The following INTS8 variants were observed in gnomAD, a reference collection of about 807,000 sequenced individuals.
INTS8 encodes the protein integrator complex subunit 8, also known as protein kaonashi-1.
In INTS8, 47 loss-of-function variants were observed where a neutral mutation model predicts 138.9. The ratio of observed to expected loss-of-function variants is 0.34; its 90% CI spans 0.27 to 0.43. The LOEUF is 0.43. Among genes scored for constraint, INTS8 ranks in the 20% least tolerant of loss-of-function variants. The probability of loss-of-function intolerance (pLI) is 1.00; values close to 1 mark genes in which losing one functional copy is unlikely to be tolerated. For synonymous variants in INTS8, 392 were observed against 400.9 expected (o/e 0.98, Z 0.27); for missense variants, 996 against 1,173.0 (o/e 0.85, Z 2.20).
intron 4 of INTS8, 60 bp downstream of exon 4, chr8:94,827,853 T>C: frequency 1.5e-6 from 2 of 1,341,622 alleles, no homozygotes; most frequent in Non-Finnish European, 2.1e-6. Context: ...TAAAAATGTT[T>C]GCAAGTTTTT....
Position 94,873,470 on chromosome 8 carries a change from C to G in INTS8, c.2630C>G (p.Thr877Arg). 1 of 1,606,224 alleles carries G rather than the reference C, an allele frequency of 6.2e-7. No individual in the cohort carries two copies. Residue 877 changes from threonine to arginine, a missense_variant, in exon 22 of 27, where the codon ACA (threonine) becomes AGA (arginine). Transcript: ENST00000523731. ...FNKAVPPDVY[T>R]DQVIKRMIKC... is the part of the protein sequence containing the mutation. ...AAGGCTGTGCCCCCTGATGTTTATA[C>G]AGACCAGGTGAATTGTTTTCGTGGG...
rs971352253 is a variant in INTS8 at position 94,829,132 on chromosome 8, A to G, written c.570+106A>G. ...ACTGGTTTTGTGGAAGGCAATTTCC[A>G]GGAAACTGGATGTGGTGTGGGGGGC... On this transcript the variant is annotated intron_variant, in intron 5 of 26. Transcript: ENST00000523731. 7.8e-5 allele frequency: 61 copies of G among 781,708 alleles called. 1 individual carries two copies. The highest frequency in any genetic ancestry group is 6.5e-5 in the Non-Finnish European group (30 of 463,248). 48.4% of individuals were successfully genotyped at this position (781,708 alleles called of 1,614,324 possible).
At chr8:94,842,745 G>C (rs1815181411) in intron 10 of INTS8, among the ~76,000 whole-genome samples, 1 of 152,006 alleles carries the variant, frequency 6.6e-6, no homozygotes, top group African/African-American at 2.4e-5. Context: ...TCTTCCTTTA[G>C]TATTTCTGTT....
chr8:94,847,230 C>T (rs62523071), intron 10 of INTS8, among the ~76,000 whole-genome samples: 2,128 of 152,038 alleles, frequency 0.014, 23 homozygotes, highest in Non-Finnish European at 0.022. Flanking sequence ...TTATTAGAGA[C>T]GGGGTTTTAC....
In INTS8 at chr8:94,823,539, A is replaced by G; in HGVS notation, c.108A>G (p.Lys36=). 1 of 1,579,282 alleles carries G rather than the reference A, an allele frequency of 6.3e-7. No individual in the cohort carries two copies. Among genetic ancestry groups the G allele is most frequent in the Non-Finnish European group, 8.6e-7 (1 of 1,163,412 alleles). Residue 36 remains lysine (K), a synonymous_variant, in exon 1 of 27, where the codon AAA becomes AAG. Coordinates refer to ENST00000523731, the MANE Select transcript of INTS8 (RefSeq NM_017864.4). ...TGCTGGAGGAGTCACTGTTGGAGAAACATCTGCGCAAGCCCTGCCCGGGTG... is the reference window on the plus strand; with the variant it reads ...TGCTGGAGGAGTCACTGTTGGAGAAGCATCTGCGCAAGCCCTGCCCGGGTG... ...EFLLEESLLE[K]HLRKPCPDPA...
intron 7 of INTS8, among the ~76,000 whole-genome samples, chr8:94,838,129 C>T (rs1378757730): frequency 6.6e-6 from 1 of 151,374 alleles, no homozygotes; most frequent in East Asian, 1.9e-4. Flanking sequence ...TCACTGCAAC[C>T]TCCACCTCTC....
chr8:94,826,385 C>T (rs1374975099), intron 2 of INTS8, among the ~76,000 whole-genome samples: 1 of 152,114 alleles, frequency 6.6e-6, no homozygotes, highest in Non-Finnish European at 1.5e-5. Context: ...GGGTTGACGC[C>T]ATTCTCCTGC....
In INTS8 at chr8:94,881,052, A is replaced by C; in HGVS notation, c.*818A>C. The C allele has an allele frequency of 2.5e-6, 1 of 398,396 alleles. No individual in the cohort carries two copies. The highest frequency in any genetic ancestry group is 3.6e-5 in the East Asian group (1 of 27,988). The allele number at this position is 398,396 out of a possible 1,614,324, so 24.7% of individuals were successfully genotyped here. A position where few individuals can be genotyped will look rare whatever the true frequency, so the allele number is the denominator to read the frequency against. On this transcript the variant is annotated 3_prime_UTR_variant, in exon 27 of 27. Transcript: ENST00000523731. ...GCAAGGCAAATAAACTAGTTTAAAAAACATTAAATTTCACCATTTGTAGAA... is the reference window on the plus strand; with the variant it reads ...GCAAGGCAAATAAACTAGTTTAAAACACATTAAATTTCACCATTTGTAGAA...
At chr8:94,860,607 C>CA (rs1243242792) in intron 16 of INTS8, among the ~76,000 whole-genome samples, 2 of 146,482 alleles carry the variant, frequency 1.4e-5, no homozygotes, top group Admixed American at 6.8e-5. Flanking sequence ...AAAAAAAACC[C>CA]AAAAAACAAA....
In INTS8 at chr8:94,823,548, C is replaced by T. The variant is rs773053706; in HGVS notation, c.117C>T (p.Arg39=). ...LEESLLEKHL[R]KPCPDPAPVQ... Reference sequence around the variant, plus strand: ...AGTCACTGTTGGAGAAACATCTGCGCAAGCCCTGCCCGGGTGAGCGCGGCG... The same window carrying T: ...AGTCACTGTTGGAGAAACATCTGCGTAAGCCCTGCCCGGGTGAGCGCGGCG... The change falls in exon 1 of 27, where the codon CGC becomes CGT. Residue 39 remains arginine, a synonymous_variant. Transcript: ENST00000523731. The T allele has an allele frequency of 2.2e-5, 34 of 1,577,422 alleles. No individual in the cohort carries two copies. The highest frequency in any genetic ancestry group is 2.8e-5 in the Non-Finnish European group (32 of 1,162,624).
chr8:94,837,414 T>G (rs1323284393), intron 7 of INTS8, among the ~76,000 whole-genome samples: 1 of 152,194 alleles, frequency 6.6e-6, no homozygotes, highest in Non-Finnish European at 1.5e-5. Flanking sequence ...GAGATATTGA[T>G]TAAATGCCCT....
At chr8:94,835,475 C>G (rs934382259) in intron 6 of INTS8, among the ~76,000 whole-genome samples, 1 of 152,182 alleles carries the variant, frequency 6.6e-6, no homozygotes, top group Admixed American at 6.5e-5. Flanking sequence ...GCATACATTT[C>G]TCACTTTAAC....
intron 16 of INTS8, among the ~76,000 whole-genome samples, chr8:94,861,284 C>T (rs113151507): frequency 2.6e-5 from 2 of 77,102 alleles, no homozygotes; most frequent in Admixed American, 1.6e-4. Flanking sequence ...TTTTTTGAGA[C>T]GGAGTCTCGC....
intron 6 of INTS8, among the ~76,000 whole-genome samples, chr8:94,832,946 G>A (rs558078827): frequency 3.3e-5 from 5 of 151,912 alleles, no homozygotes; most frequent in Admixed American, 6.6e-5. Flanking sequence ...GAGCCACCGC[G>A]CCCGGCCGTT....
rs561363280 is a variant in INTS8, at chr8:94,841,824, T to C, written c.1118+233T>C. ...GTCTCATGCCTATAATCCCAGCACT[T>C]TGAGAGGCCGAGGTGGGTGGATCAC... On this transcript the variant is annotated intron_variant, in intron 9 of 26. Transcript: ENST00000523731. Among the ~76,000 whole-genome samples, 5 of 152,202 alleles carry C rather than the reference T, an allele frequency of 3.3e-5. No homozygotes were observed. The East Asian group carries it at 9.7e-4, about 29-fold the overall frequency.
At position 94,879,560 on chromosome 8, in the gene INTS8, A is replaced by G. The variant is rs561080579; in HGVS notation, c.2872-558A>G. ...TAGTGAGCTGAGATCACGCCATTGC[A>G]CTCCAACCTGGGCGACAAGAATGAA... On this transcript the variant is annotated intron_variant, in intron 26 of 26. Coordinates refer to ENST00000523731, the MANE Select transcript of INTS8 (RefSeq NM_017864.4). 2.0e-5 allele frequency among the ~76,000 whole-genome samples: 3 copies of G among 151,538 alleles called. No individual in the cohort carries two copies. The South Asian group carries it at 6.3e-4, about 32-fold the overall frequency.
At position 94,865,563 on chromosome 8, in the gene INTS8, C is replaced by T. The variant is rs778721247; in HGVS notation, c.2134C>T (p.Arg712Trp). 9 of 1,613,992 alleles carry T rather than the reference C, an allele frequency of 5.6e-6. No homozygotes were observed. Among genetic ancestry groups the T allele is most frequent in the South Asian group, 1.1e-5 (1 of 91,074 alleles). Residue 712 changes from arginine to tryptophan, a missense_variant, in exon 17 of 27, where the codon CGG becomes TGG. Transcript: ENST00000523731. ...KELPGPKESR[R>W]TAKDLWEVVV... ...ACTTCCAGGCCCTAAAGAAAGTAGACGGACTGCCAAAGACCTTTGGGAAGT... is the reference window on the plus strand; with the variant it reads ...ACTTCCAGGCCCTAAAGAAAGTAGATGGACTGCCAAAGACCTTTGGGAAGT...
intron 17 of INTS8, 26 bp downstream of exon 17, chr8:94,865,716 T>C: frequency 6.3e-7 from 1 of 1,596,338 alleles, no homozygotes; most frequent in South Asian, 1.1e-5. Flanking sequence ...TTTCTATTAG[T>C]TGTGTTTGAG....
chr8:94,861,756 TAGTC>T (rs1211985265), intron 16 of INTS8, among the ~76,000 whole-genome samples: 1 of 151,060 alleles, frequency 6.6e-6, no homozygotes. Flanking sequence ...TTCTCCATGT[TAGTC>T]AGGCGGGTCT....
Sources: gnomAD v4.1 joint callset for allele counts (sites outside exome capture counted in the v4.1 genomes callset) on GRCh38, gnomAD v4.1.1 for gene constraint, MANE v1.5 for transcripts, NCBI Gene and HGNC (gene_info 2026-07-23, HGNC 2026-07-21) for gene names.